Variants in LRGUK observed in about 807,000 individuals in gnomAD.
LRGUK encodes leucine-rich repeat and guanylate kinase domain-containing protein.
In LRGUK, 65 loss-of-function variants were observed where a neutral mutation model predicts 76.0. The observed-to-expected ratio is 0.85, with a 90% CI of 0.70 to 1.05. The LOEUF is 1.05. LRGUK is among the 50% of genes least tolerant of loss of function. The pLI is 0.00. For missense variants in LRGUK, 758 were observed against 732.8 expected (o/e 1.03, Z -0.40); for synonymous variants, 268 against 265.6 (o/e 1.01, Z -0.09).
At chr7:134,213,747 T>A (rs1331795169), downstream of LRGUK, among the ~76,000 whole-genome samples, 1 of 152,184 alleles carries the variant, frequency 6.6e-6, no homozygotes, top group African/African-American at 2.4e-5. Flanking sequence ...TTGTTTGTGG[T>A]CAGAGGAAAG....
chr7:134,199,070 A>G, intron 13 of LRGUK, 150 bp from the exon 14 acceptor site: 1 of 563,900 alleles, frequency 1.8e-6, no homozygotes, highest in Non-Finnish European at 3.1e-6. Context: ...TGAGATATTT[A>G]TAGAAAAATA....
At chr7:134,166,280 T>A (rs1160416882) in intron 7 of LRGUK, among the ~76,000 whole-genome samples, 3 of 152,172 alleles carry the variant, frequency 2.0e-5, no homozygotes, top group African/African-American at 7.2e-5. Flanking sequence ...CCACATGTGA[T>A]CATTTGAACA....
the LRGUK span, among the ~76,000 whole-genome samples, chr7:134,271,435 C>T: frequency 6.6e-6 from 1 of 151,796 alleles, no homozygotes; most frequent in East Asian, 1.9e-4. Flanking sequence ...TTTCACTCTT[C>T]CAATTTAGGC....
At chr7:134,252,495 T>A (rs1341213599) in intron 18 of LRGUK, among the ~76,000 whole-genome samples, 1 of 152,112 alleles carries the variant, frequency 6.6e-6, no homozygotes, top group Non-Finnish European at 1.5e-5. Context: ...AGCAAGCAAT[T>A]AGACTTCTCT....
chr7:134,210,320 A>C (rs571780079), downstream of LRGUK: 1 of 398,514 alleles, frequency 2.5e-6, no homozygotes, highest in Non-Finnish European at 4.4e-6. Flanking sequence ...AAGTCCATAC[A>C]CCAGAAATTC....
At chr7:134,235,965 C>T (rs567593687) in intron 16 of LRGUK, among the ~76,000 whole-genome samples, 13 of 152,118 alleles carry the variant, frequency 8.5e-5, no homozygotes, top group Middle Eastern at 3.4e-3. Context: ...AAATGTTATC[C>T]GCATAAGATA....
intron 15 of LRGUK, among the ~76,000 whole-genome samples, chr7:134,208,335 C>A (rs913492653): frequency 2.2e-4 from 34 of 152,188 alleles, no homozygotes; most frequent in African/African-American, 8.2e-4. Context: ...CTAGTTTCTA[C>A]CATCAAAAAC....
chr7:134,206,192 A>G (rs1347695582), intron 15 of LRGUK, among the ~76,000 whole-genome samples: 2 of 152,204 alleles, frequency 1.3e-5, no homozygotes, highest in Non-Finnish European at 2.9e-5. Context: ...GTGATTATAA[A>G]CCCTGAAATC....
chr7:134,144,576 C>T (rs1797894172), intron 4 of LRGUK, among the ~76,000 whole-genome samples: 1 of 152,220 alleles, frequency 6.6e-6, no homozygotes, highest in East Asian at 1.9e-4. Context: ...TGGACATCAA[C>T]TATTGCCTTT....
intron 16 of LRGUK, among the ~76,000 whole-genome samples, chr7:134,223,670 T>C (rs745557496): frequency 3.9e-5 from 6 of 152,216 alleles, no homozygotes; most frequent in Non-Finnish European, 8.8e-5. Context: ...TCTAGCCTCA[T>C]AACCACCATG....
At chr7:134,200,197 C>T (rs1800709269) in intron 14 of LRGUK, among the ~76,000 whole-genome samples, 2 of 150,848 alleles carry the variant, frequency 1.3e-5, no homozygotes, top group South Asian at 4.2e-4. Context: ...CCACCACGCC[C>T]AGCTAATTTT....
chr7:134,272,829 CTTTTAA>C, the LRGUK span, among the ~76,000 whole-genome samples: 1 of 152,118 alleles, frequency 6.6e-6, no homozygotes, highest in Non-Finnish European at 1.5e-5. Flanking sequence ...AGGCCACAAA[CTTTTAA>C]TTTTAAGTGC....
At chr7:134,130,295 C>T (rs11978174) in intron 1 of LRGUK, among the ~76,000 whole-genome samples, 9 of 151,974 alleles carry the variant, frequency 5.9e-5, no homozygotes, top group Admixed American at 2.6e-4. Flanking sequence ...CTTCCCCCCC[C>T]CCCCAGAGGA....
At chr7:134,248,917 T>C in intron 17 of LRGUK, 34 bp from the exon 18 acceptor site, 1 of 1,399,462 alleles carries the variant, frequency 7.1e-7, no homozygotes, top group Non-Finnish European at 9.4e-7. Flanking sequence ...CAAAATCCTT[T>C]GGTTTTTTTT....
intron 19 of LRGUK, 51 bp downstream of exon 19, chr7:134,258,456 G>A: frequency 6.5e-7 from 1 of 1,545,410 alleles, no homozygotes; most frequent in South Asian, 1.2e-5. Context: ...CCAGCACTTT[G>A]GGAGGCCGAG....
Position 134,229,836 on chromosome 7 carries a change from T to C in LRGUK, c.1983+7918T>C, listed in dbSNP as rs543428231. Among the ~76,000 whole-genome samples the C allele has an allele frequency of 3.3e-5, 5 of 152,264 alleles. No homozygotes were observed. The South Asian group carries it at 1.0e-3, about 32-fold the overall frequency. Reference sequence around the variant, plus strand: ...TGCCTTTTGTATAGCATTAATTAGATATAAATAGGAACAAAATTAGATTTA... The same window carrying C: ...TGCCTTTTGTATAGCATTAATTAGACATAAATAGGAACAAAATTAGATTTA... On this transcript the variant is annotated intron_variant, in intron 16 of 19. Coordinates refer to the LRGUK transcript ENST00000285928.
At chr7:134,192,435 A>C (rs748053718) in intron 12 of LRGUK, among the ~76,000 whole-genome samples, 3 of 152,144 alleles carry the variant, frequency 2.0e-5, no homozygotes, top group Non-Finnish European at 4.4e-5. Flanking sequence ...TTTCACAGGC[A>C]CTCAGAACAA....
At chr7:134,150,779 G>A (rs1248515444) in intron 5 of LRGUK, among the ~76,000 whole-genome samples, 2 of 151,582 alleles carry the variant, frequency 1.3e-5, no homozygotes, top group East Asian at 3.9e-4. Flanking sequence ...AAAAACTAAA[G>A]TATCATGACT....
intron 16 of LRGUK, among the ~76,000 whole-genome samples, chr7:134,241,444 A>C (rs1768361227): frequency 6.6e-6 from 1 of 152,226 alleles, no homozygotes; most frequent in South Asian, 2.1e-4. Flanking sequence ...AACAAAGATC[A>C]AAAGAGACAA....
Sources: gnomAD v4.1 joint callset for allele counts (sites outside exome capture counted in the v4.1 genomes callset) on GRCh38, gnomAD v4.1.1 for gene constraint, MANE v1.5 for transcripts, NCBI Gene and HGNC (gene_info 2026-07-23, HGNC 2026-07-21) for gene names.